Variants in ASNS observed in about 807,000 individuals in gnomAD.
The protein encoded by ASNS is asparagine synthetase (glutamine-hydrolyzing).
A neutral mutation model predicts 62.6 loss-of-function variants in ASNS; 37 were observed. That is an observed-to-expected ratio of 0.59 (90% CI 0.45 to 0.78). The LOEUF is 0.78. ASNS is among the 30% of genes least tolerant of loss of function. ASNS has a pLI of 0.00. For synonymous variants in ASNS, 207 were observed against 237.9 expected (o/e 0.87, Z 1.19); for missense variants, 520 against 682.4 (o/e 0.76, Z 2.65).
At chr7:97,923,418 T>TA in the ASNS span, among the ~76,000 whole-genome samples, 1 of 151,924 alleles carries the variant, frequency 6.6e-6, no homozygotes, top group Non-Finnish European at 1.5e-5. Context: ...TCATCTCCAC[T>TA]AAAAATACAA....
At chr7:97,882,653 G>T in the ASNS span, among the ~76,000 whole-genome samples, 12 of 131,590 alleles carry the variant, frequency 9.1e-5, no homozygotes, top group Non-Finnish European at 2.1e-4. Flanking sequence ...AAATACCACC[G>T]ATATGAACAC....
the ASNS span, chr7:97,928,258 G>T: frequency 3.9e-6 from 6 of 1,524,816 alleles, no homozygotes; most frequent in East Asian, 7.5e-5. Context: ...TCCCTGCCTC[G>T]GGGCTTGCCA....
chr7:97,894,383 T>C, the ASNS span, among the ~76,000 whole-genome samples: 7 of 145,444 alleles, frequency 4.8e-5, no homozygotes, highest in Non-Finnish European at 7.5e-5. Flanking sequence ...CAGAACCAAA[T>C]GCAACAGAGA....
rs1373364719 is a variant in ASNS, at chr7:97,855,474, A to G, written c.1031-15T>C. 2 of 1,578,900 alleles carry G rather than the reference A, an allele frequency of 1.3e-6. No homozygotes were observed. The highest frequency in any genetic ancestry group is 1.7e-6 in the Non-Finnish European group (2 of 1,153,496). ...TAAATACATACCTTAAATGAGAGAGAGAAATTAACTTTAATGTCAACATAA... is the reference window on the plus strand; with the variant it reads ...TAAATACATACCTTAAATGAGAGAGGGAAATTAACTTTAATGTCAACATAA... On this transcript the variant is annotated splice_polypyrimidine_tract_variant and intron_variant, in intron 8 of 12. Transcript: ENST00000394308.
chr7:97,923,330 C>A, the ASNS span, among the ~76,000 whole-genome samples: 1 of 151,792 alleles, frequency 6.6e-6, no homozygotes, highest in African/African-American at 2.4e-5. Flanking sequence ...TGGCTCATGC[C>A]TGTAATCCCA....
chr7:97,928,400 CGG>C, the ASNS span: 7 of 625,240 alleles, frequency 1.1e-5, no homozygotes, highest in Non-Finnish European at 1.6e-5. Context: ...AGGGTCCGCG[CGG>C]CGCGGAGGTG....
chr7:97,865,877 A>C (rs1000350272), intron 3 of ASNS, among the ~76,000 whole-genome samples: 1 of 152,148 alleles, frequency 6.6e-6, no homozygotes, highest in African/African-American at 2.4e-5. Context: ...GCATGTGTAG[A>C]AAAGTTATAC....
the ASNS span, among the ~76,000 whole-genome samples, chr7:97,883,775 T>C: frequency 6.6e-6 from 1 of 151,124 alleles, no homozygotes; most frequent in Non-Finnish European, 1.5e-5. Context: ...ATCATGACGT[T>C]AGGAGATCCA....
the ASNS span, among the ~76,000 whole-genome samples, chr7:97,921,358 GT>G: frequency 6.6e-6 from 1 of 152,110 alleles, no homozygotes; most frequent in Non-Finnish European, 1.5e-5. Flanking sequence ...ATAGGTCTCT[GT>G]CCCAACTATT....
At chr7:97,920,133 G>A in the ASNS span, among the ~76,000 whole-genome samples, 4 of 151,880 alleles carry the variant, frequency 2.6e-5, no homozygotes, top group Non-Finnish European at 4.4e-5. Flanking sequence ...TCAGCTTCCC[G>A]AGTAGCTGGT....
chr7:97,881,237 T>C, the ASNS span, among the ~76,000 whole-genome samples: 1 of 152,198 alleles, frequency 6.6e-6, no homozygotes, highest in Non-Finnish European at 1.5e-5. Flanking sequence ...CCATTGCTCC[T>C]AGCAGTATTT....
At chr7:97,875,869 T>TC (rs1037941827), upstream of ASNS, among the ~76,000 whole-genome samples, 31 of 152,074 alleles carry the variant, frequency 2.0e-4, no homozygotes, top group African/African-American at 7.0e-4. Context: ...CAATTTTTTT[T>TC]TTTTTGAGAC....
the ASNS span, among the ~76,000 whole-genome samples, chr7:97,896,424 TAA>T: frequency 3.2e-5 from 4 of 125,412 alleles, no homozygotes; most frequent in Non-Finnish European, 3.4e-5. Context: ...CCGTCTCTAC[TAA>T]AAAAAAAAAA....
chr7:97,853,530 G>T (rs1466644200), intron 10 of ASNS, 144 bp from the exon 11 acceptor site: 4 of 612,060 alleles, frequency 6.5e-6, no homozygotes, highest in South Asian at 4.4e-5. Context: ...CCTAATGACT[G>T]CCCTACACTA....
rs763136231 is a variant in ASNS, at chr7:97,858,355, C to G, written c.826G>C (p.Glu276Gln). ...VAATLLKQLK[E>Q]AQVQYPLQTF... The stretch of plus-strand genomic sequence containing the variant: ...TGGAGAGGATACTGTACTTGGGCTT[C>G]TTTCAGCTGCTTCAACAGAGTGGCA... The change falls in exon 7 of 13, where the codon GAA becomes CAA. Residue 276 changes from glutamate (E) to glutamine (Q), a missense_variant. Physicochemically the swap from Glu to Gln is conservative, Grantham distance 29. Coordinates refer to ENST00000394308, the MANE Select transcript of ASNS (RefSeq NM_001673.5). 6.2e-7 allele frequency: 1 copy of G among 1,614,156 alleles called. No homozygotes were observed. The highest frequency in any genetic ancestry group is 8.5e-7 in the Non-Finnish European group (1 of 1,180,030).
At chr7:97,898,557 A>T in the ASNS span, 1 of 591,088 alleles carries the variant, frequency 1.7e-6, no homozygotes, top group East Asian at 3.2e-5. Flanking sequence ...GTTGTCTGGA[A>T]TCAATTTATT....
At chr7:97,876,138 T>A (rs1792433179), upstream of ASNS, among the ~76,000 whole-genome samples, 1 of 152,142 alleles carries the variant, frequency 6.6e-6, no homozygotes, top group South Asian at 2.1e-4. Context: ...ATGATAGGCA[T>A]GAGCCGCCGC....
At chr7:97,853,280 T>A (rs1293388931) in intron 11 of ASNS, 25 bp downstream of exon 11, 7 of 1,613,218 alleles carry the variant, frequency 4.3e-6, no homozygotes, top group African/African-American at 1.3e-5. Context: ...CAATGGACAG[T>A]TTTACCTTGA....
the ASNS span, among the ~76,000 whole-genome samples, chr7:97,883,710 G>A: frequency 1.3e-5 from 2 of 152,132 alleles, no homozygotes; most frequent in Non-Finnish European, 2.9e-5. Flanking sequence ...AAGCTCGGCC[G>A]GGCGCGGTGG....
Sources: allele counts gnomAD v4.1 joint callset (sites outside exome capture counted in the v4.1 genomes callset), GRCh38; gene constraint gnomAD v4.1.1; transcripts MANE v1.5; gene names NCBI Gene and HGNC (gene_info 2026-07-23, HGNC 2026-07-21).